The following CECR2 variants were observed in gnomAD, a reference collection of about 807,000 sequenced individuals.
CECR2 encodes the protein chromatin remodeling regulator CECR2.
CECR2 carries 30 observed loss-of-function variants against 154.5 expected under a neutral mutation model. That is an observed-to-expected ratio of 0.19 (90% CI 0.15 to 0.26). The LOEUF is 0.26. CECR2 is among the 10% of genes least tolerant of loss of function. The pLI, the probability that CECR2 is intolerant of heterozygous loss-of-function variation, is 1.00. For synonymous variants in CECR2, 725 were observed against 683.7 expected (o/e 1.06, Z -0.94); for missense variants, 1,743 against 1,829.3 (o/e 0.95, Z 0.86).
At position 17,510,467 on chromosome 22, in the gene CECR2, G is replaced by GA. The variant is rs951072776; in HGVS notation, c.871-1335dup. On this transcript the variant is annotated intron_variant, in intron 7 of 18. Coordinates refer to ENST00000262608, the MANE Select transcript of CECR2 (RefSeq NM_001290047.2). ...CCTCGGCGACAGAACAAGAACCTAT[G>GA]AAAAAAAAAAAGAGCTTATAGGTAT... 3.4e-3 allele frequency among the ~76,000 whole-genome samples: 465 copies of GA among 135,530 alleles called. 5 individuals carry two copies. Among genetic ancestry groups the GA allele is most frequent in the African/African-American group, 0.011 (402 of 37,176 alleles). The allele number at this position is 135,530 out of a possible 152,430, so 88.9% of individuals were successfully genotyped here.
chr22:17,512,268 T>C (rs967295780), intron 8 of CECR2, among the ~76,000 whole-genome samples: 3 of 151,710 alleles, frequency 2.0e-5, no homozygotes, highest in African/African-American at 7.3e-5. Context: ...ATGGCTGGGA[T>C]TGATGGAAGG....
intron 1 of CECR2, chr22:17,419,476 C>T: frequency 1.0e-5 from 2 of 200,226 alleles, no homozygotes; most frequent in Non-Finnish European, 1.0e-5. Context: ...GAGGAAGACT[C>T]AGAAACAGAG....
chr22:17,414,641 G>A lies in CECR2; in HGVS notation c.126+44732G>A, dbSNP rs543243301. ...TTAACTTGTCATTTACATTAGGTATGTCTCCTAATGGTATCCCTCCCCCTC... is the reference window on the plus strand; with the variant it reads ...TTAACTTGTCATTTACATTAGGTATATCTCCTAATGGTATCCCTCCCCCTC... On this transcript the variant is annotated intron_variant, in intron 1 of 18. Coordinates refer to ENST00000262608, the MANE Select transcript of CECR2 (RefSeq NM_001290047.2). Among the ~76,000 whole-genome samples the A allele has an allele frequency of 3.7e-4, 56 of 151,892 alleles. 1 individual carries two copies. The South Asian group carries it at 9.6e-3, about 26-fold the overall frequency.
intron 1 of CECR2, among the ~76,000 whole-genome samples, chr22:17,417,024 T>C (rs1473009700): frequency 6.6e-6 from 1 of 151,316 alleles, no homozygotes; most frequent in African/African-American, 2.4e-5. Context: ...AGATTCTTTT[T>C]TTTTTTTTTT....
chr22:17,393,994 TCTC>T (rs1429681604), intron 1 of CECR2, among the ~76,000 whole-genome samples: 2 of 151,288 alleles, frequency 1.3e-5, no homozygotes, highest in Non-Finnish European at 2.9e-5. Flanking sequence ...TTCAAGCAAT[TCTC>T]CTGCCTCAGC....
rs1038402986 is a variant in CECR2 at position 17,408,839 on chromosome 22, G to A, written c.126+38930G>A. ...CCATTGTTGCATAAAGCCCTCCAGT[G>A]GCTTTCTCTTGCATTTAGAATAGTC... is the stretch of plus-strand genomic sequence containing the variant. On this transcript the variant is annotated intron_variant, in intron 1 of 18. Transcript: ENST00000262608. 2.6e-5 allele frequency among the ~76,000 whole-genome samples: 4 copies of A among 152,180 alleles called. No homozygotes were observed. In the South Asian group the frequency reaches 8.3e-4, roughly 32 times the overall value.
chr22:17,473,824 C>G (rs2055166929), intron 1 of CECR2, among the ~76,000 whole-genome samples: 1 of 152,206 alleles, frequency 6.6e-6, no homozygotes, highest in African/African-American at 2.4e-5. Flanking sequence ...CAAATGCCAG[C>G]CGCATATCTG....
intron 9 of CECR2, among the ~76,000 whole-genome samples, chr22:17,530,545 C>T (rs927847169): frequency 3.3e-5 from 5 of 151,834 alleles, no homozygotes; most frequent in South Asian, 2.1e-4. Flanking sequence ...GGCATGGTGG[C>T]GTGCACCTGT....
chr22:17,455,205 A>G (rs2054834460), intron 1 of CECR2, among the ~76,000 whole-genome samples: 1 of 152,268 alleles, frequency 6.6e-6, no homozygotes, highest in Admixed American at 6.5e-5. Context: ...TAAGCATGCC[A>G]GGGCAAATAA....
upstream of CECR2, among the ~76,000 whole-genome samples, chr22:17,368,956 A>T (rs1164128136): frequency 6.6e-6 from 1 of 152,112 alleles, no homozygotes; most frequent in Non-Finnish European, 1.5e-5. Context: ...TCTCGGCTGG[A>T]ATAAAAGCGT....
In CECR2 at chr22:17,504,506, G is replaced by A. The variant is rs112581902; in HGVS notation, c.701-341G>A. ...GGCTGGAGTGCAGTGGCGTGATCTCGGCTCACTGCAAGCTCCGCCTCCCGG... is the reference window on the plus strand; with the variant it reads ...GGCTGGAGTGCAGTGGCGTGATCTCAGCTCACTGCAAGCTCCGCCTCCCGG... On this transcript the variant is annotated intron_variant, in intron 6 of 18. Transcript: ENST00000262608. Among the ~76,000 whole-genome samples, 1,274 of 151,686 alleles carry A rather than the reference G, an allele frequency of 8.4e-3. 21 individuals carry two copies. The highest frequency in any genetic ancestry group is 0.03 in the African/African-American group (1,224 of 41,386).
chr22:17,443,646 A>G (rs1227361983), intron 1 of CECR2, among the ~76,000 whole-genome samples: 1 of 152,188 alleles, frequency 6.6e-6, no homozygotes, highest in African/African-American at 2.4e-5. Context: ...TCTCTGCCGC[A>G]GCACCCCGCA....
rs1491166897 is a variant in CECR2 at position 17,549,783 on chromosome 22, G to GTTTTTTTTTTTTTTTT, written c.4277+219_4277+220insTTTTTTTTTTTTTTTT. ...TGCCACCACACCCAGCTAACTTTTTGGTTTTTTTTTTTTTTTTTTTTTGGT... is the reference window on the plus strand; with the variant it reads ...TGCCACCACACCCAGCTAACTTTTTGTTTTTTTTTTTTTTTTGTTTTTTTTTTTTTTTTTTTTTGGT... On this transcript the variant is annotated intron_variant, in intron 17 of 18. Transcript: ENST00000262608. 2.3e-5 allele frequency among the ~76,000 whole-genome samples: 2 copies of GTTTTTTTTTTTTTTTT among 88,856 alleles called. 1 individual carries two copies. 58.3% of individuals were successfully genotyped at this position (88,856 alleles called of 152,430 possible). A position where few individuals can be genotyped will look rare whatever the true frequency, so the allele number is the denominator to read the frequency against.
chr22:17,413,193 A>G (rs545234872), intron 1 of CECR2, among the ~76,000 whole-genome samples: 4 of 152,306 alleles, frequency 2.6e-5, no homozygotes, highest in South Asian at 2.1e-4. Context: ...GTATCAGAAA[A>G]GTATTCTTGT....
chr22:17,505,002 A>T lies in CECR2; in HGVS notation c.856A>T (p.Met286Leu). 6.2e-7 allele frequency: 1 copy of T among 1,613,424 alleles called. No individual in the cohort carries two copies. Among genetic ancestry groups the T allele is most frequent in the Non-Finnish European group, 8.5e-7 (1 of 1,179,804 alleles). ...GGACTTCCTGCCTGAGATCTGCAACATGATCGCCCAGAAGGTGCGCCACAC... is the reference window on the plus strand; with the variant it reads ...GGACTTCCTGCCTGAGATCTGCAACTTGATCGCCCAGAAGGTGCGCCACAC... ...SEDFLPEICN[M>L]IAQKGKRPQR... The change falls in exon 7 of 19, where the codon ATG (methionine) becomes TTG (leucine). Residue 286 changes from methionine (M) to leucine (L), a missense_variant. Transcript: ENST00000262608.
At chr22:17,460,107 C>T (rs1180853553) in intron 1 of CECR2, among the ~76,000 whole-genome samples, 1 of 152,164 alleles carries the variant, frequency 6.6e-6, no homozygotes, top group Non-Finnish European at 1.5e-5. Flanking sequence ...CCTCTTCCAG[C>T]CCAGAAGGCA....
In CECR2 at chr22:17,504,851, C is replaced by G; in HGVS notation, c.705C>G (p.Ser235=). Residue 235 remains serine, a synonymous_variant, in exon 7 of 19, where the codon TCC becomes TCG. Coordinates refer to ENST00000262608, the MANE Select transcript of CECR2 (RefSeq NM_001290047.2). ...LASEPQTRHG[S]QGPGQGTWWL... is the part of the protein sequence containing the mutation. ...ATCCGTTCCTTTATTTTCTAGGGTC[C>G]CAAGGGCCAGGCCAAGGTACTTGGT... 1 of 1,612,826 alleles carries G rather than the reference C, an allele frequency of 6.2e-7. No individual in the cohort carries two copies. Among genetic ancestry groups the G allele is most frequent in the Non-Finnish European group, 8.5e-7 (1 of 1,179,494 alleles).
At chr22:17,490,147 T>TTTG (rs1555917192) in intron 2 of CECR2, among the ~76,000 whole-genome samples, 23 of 149,778 alleles carry the variant, frequency 1.5e-4, no homozygotes, top group Admixed American at 5.3e-4. Context: ...TGTTTTTTTT[T>TTTG]TGTGTGTGTG....
At chr22:17,512,140 G>A (rs906782637) in intron 8 of CECR2, among the ~76,000 whole-genome samples, 14 of 152,108 alleles carry the variant, frequency 9.2e-5, no homozygotes, top group African/African-American at 2.4e-4. Flanking sequence ...ATAAGAATAC[G>A]TACTGCAATA....
Sources: allele counts gnomAD v4.1 joint callset (sites outside exome capture counted in the v4.1 genomes callset), GRCh38; gene constraint gnomAD v4.1.1; transcripts MANE v1.5; gene names NCBI Gene and HGNC (gene_info 2026-07-23, HGNC 2026-07-21).